The following STX19 variants were observed in gnomAD, a reference collection of about 807,000 sequenced individuals.
STX19 encodes the protein syntaxin-19.
STX19 carries 26 observed loss-of-function variants against 24.3 expected under a neutral mutation model. The ratio of observed to expected loss-of-function variants is 1.07; its 90% CI spans 0.78 to 1.48. The LOEUF is 1.48. STX19 is among the 40% of genes most tolerant of loss of function. The probability of loss-of-function intolerance (pLI) is 0.00; values close to 1 mark genes in which losing one functional copy is unlikely to be tolerated. For missense variants in STX19, 367 were observed against 331.9 expected, an observed-to-expected ratio of 1.11 and a Z score of -0.82; for synonymous variants, 116 against 106.9, an observed-to-expected ratio of 1.09 and a Z score of -0.52.
At chr3:94,015,323 G>C (rs930029569) in intron 1 of STX19, 41 bp from the exon 2 acceptor site, 6 of 1,456,478 alleles carry the variant, frequency 4.1e-6, no homozygotes, top group Non-Finnish European at 4.5e-6. Context: ...GTAGAAATTT[G>C]GTATTTTTCC....
At chr3:94,019,608 T>G (rs2076406985) in intron 1 of STX19, among the ~76,000 whole-genome samples, 1 of 149,910 alleles carries the variant, frequency 6.7e-6, no homozygotes, top group Admixed American at 6.7e-5. Flanking sequence ...ACCTCTGGTC[T>G]TTTCTTAACA....
chr3:94,014,665 A>G lies in STX19; in HGVS notation c.605T>C (p.Ile202Thr). 1.2e-6 allele frequency: 2 copies of G among 1,613,588 alleles called. No individual in the cohort carries two copies. The highest frequency in any genetic ancestry group is 1.7e-6 in the Non-Finnish European group (2 of 1,179,946). The change falls in exon 2 of 2, where the codon ATC (isoleucine) becomes ACC (threonine). Residue 202 changes from isoleucine (I) to threonine (T), a missense_variant. By Grantham distance (89) the Ile-to-Thr change is moderately conservative. Transcript: ENST00000315099. ...TGAAAGTTGTGCTTTAGTGATATTG[A>G]TTTCTGTAAGTAAGCTTTCATTAAA... ...EVFNESLLTE[I>T]NITKAQLSEI...
intron 1 of STX19, among the ~76,000 whole-genome samples, chr3:94,023,506 T>A (rs2076492233): frequency 6.6e-6 from 1 of 152,122 alleles, no homozygotes; most frequent in Non-Finnish European, 1.5e-5. Flanking sequence ...TTTAAATAAT[T>A]TCTTTAAGAA....
intron 1 of STX19, among the ~76,000 whole-genome samples, chr3:94,027,820 G>A (rs942731400): frequency 1.3e-5 from 2 of 152,004 alleles, no homozygotes; most frequent in African/African-American, 4.8e-5. Flanking sequence ...AGGTTAGTGA[G>A]TACTTCGATA....
intron 1 of STX19, among the ~76,000 whole-genome samples, chr3:94,018,661 T>C (rs2076383543): frequency 6.6e-6 from 1 of 152,172 alleles, no homozygotes; most frequent in African/African-American, 2.4e-5. Context: ...TTTGAATGCC[T>C]CTATCCAAAA....
chr3:94,026,181 G>A (rs531396170), intron 1 of STX19, among the ~76,000 whole-genome samples: 23 of 152,096 alleles, frequency 1.5e-4, no homozygotes, highest in African/African-American at 4.8e-4. Flanking sequence ...CACCACACCC[G>A]ACTAACTTTT....
chr3:94,016,881 G>C (rs144084170), intron 1 of STX19, among the ~76,000 whole-genome samples: 1 of 152,024 alleles, frequency 6.6e-6, no homozygotes, highest in Non-Finnish European at 1.5e-5. Context: ...TCCTGACCTC[G>C]TGATCCGCCC....
chr3:94,022,589 ATAT>A (rs1391162168), intron 1 of STX19, among the ~76,000 whole-genome samples: 1 of 152,060 alleles, frequency 6.6e-6, no homozygotes, highest in Admixed American at 6.6e-5. Context: ...GACTACCCAA[ATAT>A]TATTTATATG....
intron 1 of STX19, among the ~76,000 whole-genome samples, chr3:94,016,966 C>A (rs1333126611): frequency 6.6e-6 from 1 of 152,122 alleles, no homozygotes; most frequent in Non-Finnish European, 1.5e-5. Context: ...TCTGTCAGAA[C>A]CATCAGAATA....
At chr3:94,025,480 A>G (rs1303891807) in intron 1 of STX19, among the ~76,000 whole-genome samples, 1 of 152,182 alleles carries the variant, frequency 6.6e-6, no homozygotes, top group Non-Finnish European at 1.5e-5. Flanking sequence ...AAGATCCTTT[A>G]CATTATTAGG....
At chr3:94,021,480 C>T (rs529374910) in intron 1 of STX19, among the ~76,000 whole-genome samples, 12 of 152,160 alleles carry the variant, frequency 7.9e-5, no homozygotes, top group Admixed American at 5.2e-4. Context: ...CAGGTACAAA[C>T]CACCATGCCT....
chr3:94,015,674 G>T (rs140247076), intron 1 of STX19, among the ~76,000 whole-genome samples: 1 of 151,890 alleles, frequency 6.6e-6, no homozygotes, highest in Admixed American at 6.6e-5. Flanking sequence ...TACTGTTTCC[G>T]GTTAATTTGG....
chr3:94,015,900 G>A (rs919211138), intron 1 of STX19, among the ~76,000 whole-genome samples: 9 of 152,060 alleles, frequency 5.9e-5, no homozygotes, highest in African/African-American at 2.2e-4. Context: ...TGATTATGCT[G>A]ATTTCTCATT....
At chr3:94,018,939 T>C (rs2076390949) in intron 1 of STX19, among the ~76,000 whole-genome samples, 1 of 151,728 alleles carries the variant, frequency 6.6e-6, no homozygotes, top group South Asian at 2.1e-4. Context: ...CTAATTTTTG[T>C]ATTTTTATTA....
rs905878118 is a variant in STX19, at chr3:94,020,924, A to G, written c.-13-5642T>C. 1.2e-4 allele frequency among the ~76,000 whole-genome samples: 18 copies of G among 152,116 alleles called. No individual in the cohort carries two copies. The South Asian group carries it at 3.5e-3, about 30-fold the overall frequency. On this transcript the variant is annotated intron_variant, in intron 1 of 1. Coordinates refer to ENST00000315099, the MANE Select transcript of STX19 (RefSeq NM_001001850.3). Reference sequence around the variant, plus strand: ...GACTTCTAAGCTGGAAGGAGATTCCATACGCCTCTTCCTCTGCATATTTTT... The same window carrying G: ...GACTTCTAAGCTGGAAGGAGATTCCGTACGCCTCTTCCTCTGCATATTTTT...
intron 1 of STX19, among the ~76,000 whole-genome samples, chr3:94,023,056 C>T (rs1474328591): frequency 1.3e-5 from 2 of 151,752 alleles, no homozygotes; most frequent in Non-Finnish European, 2.9e-5. Flanking sequence ...CTTTTATATT[C>T]TCTATTTTTG....
intron 1 of STX19, among the ~76,000 whole-genome samples, chr3:94,018,882 C>G (rs527521381): frequency 2.9e-4 from 44 of 152,274 alleles, no homozygotes; most frequent in South Asian, 1.9e-3. Flanking sequence ...TCTCCTGCCT[C>G]AGCCTCCCGA....
chr3:94,020,303 A>G (rs1244569892), intron 1 of STX19, among the ~76,000 whole-genome samples: 5 of 152,216 alleles, frequency 3.3e-5, no homozygotes, highest in Non-Finnish European at 2.9e-5. Context: ...TCTTATAAGA[A>G]CAAGTATTGT....
chr3:94,024,892 T>C (rs976873923), intron 1 of STX19, among the ~76,000 whole-genome samples: 1 of 152,120 alleles, frequency 6.6e-6, no homozygotes, highest in African/African-American at 2.4e-5. Context: ...CCAGCCTCTT[T>C]TTTAAAAAAA....
Sources: gnomAD v4.1 joint callset for allele counts (sites outside exome capture counted in the v4.1 genomes callset) on GRCh38, gnomAD v4.1.1 for gene constraint, MANE v1.5 for transcripts, NCBI Gene and HGNC (gene_info 2026-07-23, HGNC 2026-07-21) for gene names.